The following TMEM114 variants were observed in gnomAD, a reference collection of about 807,000 sequenced individuals.
The protein encoded by TMEM114 is transmembrane protein 114.
Under a neutral mutation model 6.2 loss-of-function variants are expected in TMEM114, and 6 were observed. The ratio of observed to expected loss-of-function variants is 0.97; its 90% confidence interval spans 0.53 to 1.91. The LOEUF is 1.91. TMEM114 is among the 40% of genes most tolerant of loss of function. TMEM114 has a pLI of 0.01. For missense variants in TMEM114, 218 were observed against 158.3 expected, an observed-to-expected ratio of 1.38 and a Z score of -2.02; for synonymous variants, 104 against 73.0, an observed-to-expected ratio of 1.42 and a Z score of -2.16.
intron 2 of TMEM114, among the ~76,000 whole-genome samples, chr16:8,573,575 T>G (rs1486715578): frequency 2.5e-5 from 3 of 118,798 alleles, no homozygotes; most frequent in Non-Finnish European, 6.0e-5. Context: ...AAGTGCAAAG[T>G]TTTTTTTTTA....
At chr16:8,553,492 T>C (rs1160014237) in intron 2 of TMEM114, among the ~76,000 whole-genome samples, 4 of 118,512 alleles carry the variant, frequency 3.4e-5, no homozygotes, top group African/African-American at 1.5e-4. Flanking sequence ...AGCTTTTCTT[T>C]CTTTTTTTTT....
At chr16:8,553,037 T>C (rs182180469) in intron 2 of TMEM114, among the ~76,000 whole-genome samples, 181 of 152,384 alleles carry the variant, frequency 1.2e-3, no homozygotes, top group African/African-American at 4.2e-3. Flanking sequence ...CCGAGGTTCT[T>C]GCTTCCTGCC....
chr16:8,587,096 T>C (rs1410386900), intron 2 of TMEM114, among the ~76,000 whole-genome samples: 2 of 152,076 alleles, frequency 1.3e-5, no homozygotes, highest in Non-Finnish European at 2.9e-5. Flanking sequence ...ACCACAGAAA[T>C]AGGCAAATGC....
At chr16:8,544,117 G>A (rs1167322459) in intron 2 of TMEM114, among the ~76,000 whole-genome samples, 1 of 152,172 alleles carries the variant, frequency 6.6e-6, no homozygotes, top group African/African-American at 2.4e-5. Context: ...TTTTGTTGCT[G>A]TTTTTGTTTT....
intron 2 of TMEM114, 122 bp downstream of exon 2, chr16:8,589,091 T>C (rs1186074780): frequency 2.5e-6 from 1 of 394,612 alleles, no homozygotes; most frequent in Admixed American, 4.4e-5. Context: ...CAGGCTGGGC[T>C]GTCAGAGGCC....
intron 2 of TMEM114, among the ~76,000 whole-genome samples, chr16:8,580,623 ATATATT>A (rs1456699169): frequency 2.0e-5 from 3 of 152,048 alleles, no homozygotes; most frequent in Non-Finnish European, 4.4e-5. Flanking sequence ...GTTTTTGTCC[ATATATT>A]TATAATTTTT....
intron 2 of TMEM114, among the ~76,000 whole-genome samples, chr16:8,545,295 G>C (rs1343950082): frequency 6.6e-6 from 1 of 152,066 alleles, no homozygotes; most frequent in Admixed American, 6.6e-5. Context: ...AAATAACCAG[G>C]CACAGTGGCA....
chr16:8,572,063 G>A, intron 3 of TMEM114, 24 bp downstream of exon 3: 1 of 1,521,296 alleles, frequency 6.6e-7, no homozygotes. Flanking sequence ...ACAAGCCAGA[G>A]CCCTAGGCAG....
At chr16:8,534,581 G>T (rs1429460255), downstream of TMEM114, among the ~76,000 whole-genome samples, 1 of 152,172 alleles carries the variant, frequency 6.6e-6, no homozygotes, top group East Asian at 1.9e-4. Context: ...AATAGTAATG[G>T]GGTGGTACAT....
At chr16:8,552,810 T>C (rs546982389) in intron 2 of TMEM114, among the ~76,000 whole-genome samples, 4 of 152,152 alleles carry the variant, frequency 2.6e-5, no homozygotes, top group Non-Finnish European at 5.9e-5. Flanking sequence ...AACCTTGCTG[T>C]TTCTGCACAA....
At chr16:8,568,378 G>A (rs182173468), downstream of TMEM114, among the ~76,000 whole-genome samples, 22 of 151,780 alleles carry the variant, frequency 1.4e-4, no homozygotes, top group Non-Finnish European at 3.2e-4. Context: ...AGATGTGGAT[G>A]TCAGCTATAA....
chr16:8,549,311 C>T (rs373467445), intron 2 of TMEM114, among the ~76,000 whole-genome samples: 4 of 151,512 alleles, frequency 2.6e-5, no homozygotes, highest in African/African-American at 9.7e-5. Context: ...ACCAGCCTGG[C>T]CAACATGACA....
intron 2 of TMEM114, among the ~76,000 whole-genome samples, chr16:8,576,146 G>T (rs1901919487): frequency 6.6e-6 from 1 of 152,200 alleles, no homozygotes; most frequent in Admixed American, 6.5e-5. Context: ...AGGTCTCTGT[G>T]CCACCCACAA....
At chr16:8,528,375 C>A in the TMEM114 span, among the ~76,000 whole-genome samples, 1 of 152,170 alleles carries the variant, frequency 6.6e-6, no homozygotes, top group Non-Finnish European at 1.5e-5. Flanking sequence ...CTGGCTCATG[C>A]ACCATGCTGT....
Position 8,569,508 on chromosome 16 carries a change from A to G in TMEM114, c.*265T>C. 1 of 1,375,938 alleles carries G rather than the reference A, an allele frequency of 7.3e-7. No homozygotes were observed. The highest frequency in any genetic ancestry group is 1.7e-5 in the South Asian group (1 of 58,364). The allele number at this position is 1,375,938 out of a possible 1,614,324, so 85.2% of individuals were successfully genotyped here. A position where few individuals can be genotyped will look rare whatever the true frequency, so the allele number is the denominator to read the frequency against. On this transcript the variant is annotated 3_prime_UTR_variant, in exon 4 of 4. Coordinates refer to ENST00000620492, the MANE Select transcript of TMEM114 (RefSeq NM_001146336.2). ...ATCTGTAAAGCTCTGTGTGTGATTAAAGGATCGTTTTTATTTCTCGCGAAG... is the reference window on the plus strand; with the variant it reads ...ATCTGTAAAGCTCTGTGTGTGATTAGAGGATCGTTTTTATTTCTCGCGAAG...
intron 2 of TMEM114, among the ~76,000 whole-genome samples, chr16:8,539,958 C>T (rs1232001195): frequency 6.6e-6 from 1 of 152,082 alleles, no homozygotes; most frequent in Non-Finnish European, 1.5e-5. Flanking sequence ...GCTGGGATTA[C>T]AGGCACATGC....
intron 2 of TMEM114, among the ~76,000 whole-genome samples, chr16:8,558,887 C>A (rs1901103788): frequency 1.4e-5 from 2 of 147,990 alleles, no homozygotes; most frequent in Admixed American, 6.8e-5. Context: ...ACTGCAGGCA[C>A]GTGCCACCAT....
chr16:8,577,449 C>G (rs561973611), intron 2 of TMEM114, among the ~76,000 whole-genome samples: 1 of 152,210 alleles, frequency 6.6e-6, no homozygotes. Flanking sequence ...CACCATGTGA[C>G]CTTAGGTAAG....
chr16:8,576,475 G>A (rs1272133716), intron 2 of TMEM114, among the ~76,000 whole-genome samples: 1 of 152,206 alleles, frequency 6.6e-6, no homozygotes, highest in Admixed American at 6.5e-5. Context: ...GTCTCTGGCT[G>A]GAGGGAACTG....
Sources: allele counts gnomAD v4.1 joint callset (sites outside exome capture counted in the v4.1 genomes callset), GRCh38; gene constraint gnomAD v4.1.1; transcripts MANE v1.5; gene names NCBI Gene and HGNC (gene_info 2026-07-23, HGNC 2026-07-21).